The following PDZD7 variants were observed in gnomAD, a reference collection of about 807,000 sequenced individuals.
The protein encoded by PDZD7 is PDZ domain containing 7.
In PDZD7, 72 loss-of-function variants were observed where a neutral mutation model predicts 84.7. The ratio of observed to expected loss-of-function variants is 0.85; its 90% CI spans 0.70 to 1.03. PDZD7 has a LOEUF of 1.03. Among genes scored for constraint, PDZD7 ranks in the 50% least tolerant of loss-of-function variants. The pLI, the probability that PDZD7 is intolerant of heterozygous loss-of-function variation, is 0.00. For missense variants in PDZD7, 1,490 were observed against 1,412.9 expected (o/e 1.05, Z -0.87); for synonymous variants, 594 against 580.7 (o/e 1.02, Z -0.33).
At chr10:101,018,718 G>T (rs11595501) in intron 8 of PDZD7, 104 bp downstream of exon 8, 1 of 1,419,110 alleles carries the variant, frequency 7.0e-7, no homozygotes, top group Admixed American at 2.6e-5. Flanking sequence ...CAAGGGCTTC[G>T]TCAAGGCCTG....
chr10:101,026,804 G>A (rs1231914950), intron 2 of PDZD7, among the ~76,000 whole-genome samples: 1 of 151,856 alleles, frequency 6.6e-6, no homozygotes, highest in Non-Finnish European at 1.5e-5. Context: ...GAGGGGTGGT[G>A]CAGGACAGAT....
At chr10:101,022,039 G>T (rs551433266) in intron 5 of PDZD7, 94 bp from the exon 6 acceptor site, 2 of 1,570,510 alleles carry the variant, frequency 1.3e-6, no homozygotes, top group South Asian at 2.3e-5. Context: ...GACTGCACCA[G>T]TCAAGGTCCT....
intron 2 of PDZD7, among the ~76,000 whole-genome samples, chr10:101,026,663 TCACACACACA>T (rs3051194): frequency 0.04 from 4,964 of 123,864 alleles, 213 homozygotes; most frequent in African/African-American, 0.11. Flanking sequence ...CAGGGAGAAA[TCACACACACA>T]CACACACACA....
intron 2 of PDZD7, among the ~76,000 whole-genome samples, chr10:101,024,670 A>G (rs1208274271): frequency 6.6e-6 from 1 of 151,638 alleles, no homozygotes; most frequent in Non-Finnish European, 1.5e-5. Flanking sequence ...GGTCCCAGCT[A>G]CACGGAAGGC....
rs1438718372 is a variant in PDZD7, at chr10:101,011,455, TGAG to T, written c.2005+232_2005+234del. ...ATTTCTCAGAGGTTACTGCATAGAA[TGAG>T]ACTAGATTTTAAAAGTGAGTGGGTT... On this transcript the variant is annotated intron_variant, in intron 14 of 16. Transcript: ENST00000619208. 7.3e-6 allele frequency: 9 copies of T among 1,238,028 alleles called. No individual in the cohort carries two copies. The Admixed American group carries it at 2.8e-4, about 38-fold the overall frequency. 76.7% of individuals were successfully genotyped at this position (1,238,028 alleles called of 1,614,324 possible).
At chr10:101,024,969 A>G (rs142316973) in intron 2 of PDZD7, among the ~76,000 whole-genome samples, 268 of 151,928 alleles carry the variant, frequency 1.8e-3, no homozygotes, top group African/African-American at 5.9e-3. Flanking sequence ...AAGGTTCAGG[A>G]TTCTGTTCTA....
intron 8 of PDZD7, 33 bp downstream of exon 8, chr10:101,018,789 G>A (rs1311055203): frequency 1.3e-6 from 2 of 1,553,576 alleles, no homozygotes; most frequent in Non-Finnish European, 8.7e-7. Flanking sequence ...CAGAGGCTGT[G>A]GAGGGAGCAG....
rs1469146782 is a variant in PDZD7, at chr10:101,008,336, G to A, written c.*131C>T. ...AGGAGGGAAGAAAGTGGAAAGATGT[G>A]AGCCACCAGTGTGGCACTGGGAGGA... On this transcript the variant is annotated 3_prime_UTR_variant, in exon 17 of 17. Coordinates refer to ENST00000619208, the MANE Select transcript of PDZD7 (RefSeq NM_001195263.2). The A allele has an allele frequency of 1.2e-5, 11 of 935,168 alleles. No homozygotes were observed. Among genetic ancestry groups the A allele is most frequent in the Admixed American group, 2.9e-5 (1 of 34,716 alleles). 57.9% of individuals were successfully genotyped at this position (935,168 alleles called of 1,614,324 possible). A position where few individuals can be genotyped will look rare whatever the true frequency, so the allele number is the denominator to read the frequency against.
At position 101,020,101 on chromosome 10, in the gene PDZD7, A is replaced by AATT. The variant is rs554435737; in HGVS notation, c.928+514_928+516dup. ...TCACCACCACTCCAGTTAATTTTTAAATTATTATTATTATTATTATTATTT... is the reference window on the plus strand; with the variant it reads ...TCACCACCACTCCAGTTAATTTTTAAATTATTATTATTATTATTATTATTATTT... On this transcript the variant is annotated intron_variant, in intron 7 of 16. Transcript: ENST00000619208. Among the ~76,000 whole-genome samples the AATT allele has an allele frequency of 1.3e-3, 195 of 147,454 alleles. 1 individual carries two copies. Among genetic ancestry groups the AATT allele is most frequent in the African/African-American group, 1.9e-3 (77 of 39,982 alleles).
rs778849541 is a variant in PDZD7 at position 101,023,433 on chromosome 10, C to T, written c.542+3G>A. The T allele has an allele frequency of 6.2e-6, 10 of 1,613,892 alleles. No individual in the cohort carries two copies. Among genetic ancestry groups the T allele is most frequent in the Non-Finnish European group, 8.5e-6 (10 of 1,180,030 alleles). On this transcript the variant is annotated splice_donor_region_variant and intron_variant, in intron 4 of 16. Coordinates refer to ENST00000619208, the MANE Select transcript of PDZD7 (RefSeq NM_001195263.2). ...GGGCTAGGATGAGGGAGTTGCTGCT[C>T]ACCACGTGGTCTTCTCCTTGGAGAA...
At position 101,030,361 on chromosome 10, in the gene PDZD7, C is replaced by T; in HGVS notation, c.-142G>A. The T allele has an allele frequency of 1.3e-6, 1 of 754,426 alleles. No homozygotes were observed. Among genetic ancestry groups the T allele is most frequent in the South Asian group, 1.5e-5 (1 of 67,738 alleles). 46.7% of individuals were successfully genotyped at this position (754,426 alleles called of 1,614,324 possible). On this transcript the variant is annotated 5_prime_UTR_variant, in exon 2 of 17. Transcript: ENST00000619208. The stretch of plus-strand genomic sequence containing the variant: ...ACGTGAAGGCCCTCGCTTGCGATGC[C>T]TCTCAGAAGTGTGAGCTCCAGGCCT...
At chr10:101,017,983 G>T in intron 9 of PDZD7, 116 bp downstream of exon 9, 1 of 1,204,006 alleles carries the variant, frequency 8.3e-7, no homozygotes, top group Non-Finnish European at 1.2e-6. Context: ...AGGCTCTCAG[G>T]GGTTGAGTAG....
At chr10:101,014,110 C>A (rs536501660) in intron 11 of PDZD7, among the ~76,000 whole-genome samples, 6 of 151,734 alleles carry the variant, frequency 4.0e-5, no homozygotes, top group African/African-American at 1.2e-4. Context: ...CCGCTCACCT[C>A]GGCCACCCAA....
In PDZD7 at chr10:101,020,655, G is replaced by A. The variant is rs199864541; in HGVS notation, c.891C>T (p.Tyr297=). Residue 297 remains tyrosine (Y), a synonymous_variant, in exon 7 of 17, where the codon TAC becomes TAT. Coordinates refer to ENST00000619208, the MANE Select transcript of PDZD7 (RefSeq NM_001195263.2). ...TIKETGRYPA[Y]KEMVSEYCWL... ...AGCAGTACTCAGAAACCATCTCCTT[G>A]TAGGCAGGATACCGGCCGGTCTCCT... 1.7e-5 allele frequency: 27 copies of A among 1,613,992 alleles called. No homozygotes were observed. Among genetic ancestry groups the A allele is most frequent in the Non-Finnish European group, 1.9e-5 (23 of 1,179,926 alleles).
At chr10:101,011,811 G>C (rs976326141) in intron 13 of PDZD7, 50 bp from the exon 14 acceptor site, 2 of 1,550,380 alleles carry the variant, frequency 1.3e-6, no homozygotes, top group Admixed American at 2.0e-5. Flanking sequence ...GCCAGGCTCC[G>C]GGACGGAGGC....
chr10:101,012,087 C>T (rs1852413701), intron 12 of PDZD7, 71 bp from the exon 13 acceptor site: 1 of 1,539,194 alleles, frequency 6.5e-7, no homozygotes, highest in African/African-American at 1.4e-5. Context: ...TGCCAGGATG[C>T]CCTTCAGCCC....
chr10:101,019,604 T>C (rs1206864277), intron 7 of PDZD7, among the ~76,000 whole-genome samples: 34 of 131,736 alleles, frequency 2.6e-4, no homozygotes, highest in Non-Finnish European at 4.7e-4. Context: ...CTTCTTCTTC[T>C]TCCTCCTCTT....
chr10:101,017,846 A>C, intron 9 of PDZD7: 2 of 325,702 alleles, frequency 6.1e-6, no homozygotes, highest in Non-Finnish European at 1.0e-5. Context: ...AAGGAAAGAA[A>C]GAAAGAAAGA....
intron 2 of PDZD7, among the ~76,000 whole-genome samples, chr10:101,026,051 C>T (rs74154268): frequency 0.03 from 4,546 of 152,216 alleles, 149 homozygotes; most frequent in African/African-American, 0.075. Flanking sequence ...CACTGCAATA[C>T]GTATGTGCCC....
Sources: gnomAD v4.1 joint callset for allele counts (sites outside exome capture counted in the v4.1 genomes callset) on GRCh38, gnomAD v4.1.1 for gene constraint, MANE v1.5 for transcripts, NCBI Gene and HGNC (gene_info 2026-07-23, HGNC 2026-07-21) for gene names.